The following HGF variants were observed in gnomAD, a reference collection of about 807,000 sequenced individuals.
The protein encoded by HGF is fibroblast-derived tumor cytotoxic factor.
HGF carries 39 observed loss-of-function variants against 111.6 expected under a neutral mutation model. That is an observed-to-expected ratio of 0.35 (90% confidence interval 0.27 to 0.46). HGF has a LOEUF of 0.46. HGF is among the 20% of genes least tolerant of loss of function. The pLI is 1.00. For synonymous variants in HGF, 285 were observed against 294.8 expected, an observed-to-expected ratio of 0.97 and a Z score of 0.34; for missense variants, 735 against 910.5, an observed-to-expected ratio of 0.81 and a Z score of 2.48.
At chr7:81,752,499 T>C (rs1440230235) in intron 4 of HGF, among the ~76,000 whole-genome samples, 1 of 152,102 alleles carries the variant, frequency 6.6e-6, no homozygotes, top group Non-Finnish European at 1.5e-5. Context: ...AAGATGAGCC[T>C]GTGAATTTGC....
intron 2 of HGF, among the ~76,000 whole-genome samples, chr7:81,760,986 A>G (rs1789046042): frequency 6.6e-6 from 1 of 152,166 alleles, no homozygotes; most frequent in Admixed American, 6.5e-5. Context: ...CGGTTGACTA[A>G]TGTGAAAATT....
chr7:81,731,407 A>C (rs1451729570), intron 7 of HGF, among the ~76,000 whole-genome samples: 1 of 152,334 alleles, frequency 6.6e-6, no homozygotes, highest in East Asian at 1.9e-4. Context: ...TAAAGTGGTA[A>C]CTGAGAGCTG....
chr7:81,724,392 T>G (rs1789952386), intron 9 of HGF, among the ~76,000 whole-genome samples: 1 of 152,056 alleles, frequency 6.6e-6, no homozygotes, highest in Non-Finnish European at 1.5e-5. Flanking sequence ...GAGCTTTAAA[T>G]TTGGCTTGGG....
chr7:81,756,088 G>T (rs1788756465), intron 4 of HGF: 2 of 700,838 alleles, frequency 2.9e-6, no homozygotes, highest in Non-Finnish European at 5.2e-6. Context: ...CACAGCATGG[G>T]TTCTACTGAC....
At chr7:81,721,220 C>T (rs1044299877) in intron 9 of HGF, among the ~76,000 whole-genome samples, 1 of 151,934 alleles carries the variant, frequency 6.6e-6, no homozygotes, top group Non-Finnish European at 1.5e-5. Context: ...GCACTCCAGC[C>T]TGGGCGACAG....
intron 9 of HGF, among the ~76,000 whole-genome samples, chr7:81,724,621 T>A (rs1360527416): frequency 6.6e-6 from 1 of 152,220 alleles, no homozygotes; most frequent in Non-Finnish European, 1.5e-5. Context: ...GTAGGTTTGT[T>A]ATATGTAAAT....
chr7:81,761,323 T>C (rs994726524), intron 2 of HGF, among the ~76,000 whole-genome samples: 6 of 152,188 alleles, frequency 3.9e-5, no homozygotes, highest in African/African-American at 1.4e-4. Flanking sequence ...AATTGGCAGT[T>C]TCACTCTAGA....
In HGF at chr7:81,705,498, G is replaced by A. The variant is rs1789397783; in HGVS notation, c.1902C>T (p.Leu634=). 1.2e-6 allele frequency: 2 copies of A among 1,612,496 alleles called. No individual in the cohort carries two copies. Among genetic ancestry groups the A allele is most frequent in the Admixed American group, 1.7e-5 (1 of 59,772 alleles). The change falls in exon 17 of 18, where the codon CTC becomes CTT. Residue 634 remains leucine (L), a synonymous_variant. Transcript: ENST00000222390. ...TGCATTTCTCATTTCCCATTATATA[G>A]AGATGTGCCACTCGTAATAGGCCAT... ...NYDGLLRVAH[L]YIMGNEKCSQ... is the part of the protein sequence containing the mutation.
intron 13 of HGF, among the ~76,000 whole-genome samples, chr7:81,709,706 T>C (rs1407995498): frequency 6.6e-6 from 1 of 152,138 alleles, no homozygotes; most frequent in African/African-American, 2.4e-5. Context: ...TTCATTTGAT[T>C]GACAAGGAAA....
In HGF at chr7:81,710,133, C is replaced by T; in HGVS notation, c.1541+14G>A. ...TATTCTGGATATGCATGACTTGCAT[C>T]TATTAATAATTACCTGTATCTCAAA... On this transcript the variant is annotated intron_variant, in intron 13 of 17. Transcript: ENST00000222390. 6.7e-7 allele frequency: 1 copy of T among 1,483,568 alleles called. No homozygotes were observed. The highest frequency in any genetic ancestry group is 1.1e-5 in the South Asian group (1 of 88,454). 91.9% of individuals were successfully genotyped at this position (1,483,568 alleles called of 1,614,324 possible). A position where few individuals can be genotyped will look rare whatever the true frequency, so the allele number is the denominator to read the frequency against.
At chr7:81,731,843 C>T (rs1161614259) in intron 7 of HGF, among the ~76,000 whole-genome samples, 2 of 152,024 alleles carry the variant, frequency 1.3e-5, no homozygotes, top group Non-Finnish European at 2.9e-5. Flanking sequence ...ATTAGCTTAA[C>T]ATGCTAAAAG....
intron 8 of HGF, among the ~76,000 whole-genome samples, chr7:81,728,518 A>G (rs1790079625): frequency 1.3e-5 from 2 of 152,182 alleles, no homozygotes; most frequent in Admixed American, 1.3e-4. Context: ...CTACTTTGAT[A>G]TGTATTTCTC....
intron 5 of HGF, chr7:81,751,216 G>A: frequency 1.1e-6 from 1 of 943,248 alleles, no homozygotes; most frequent in Non-Finnish European, 1.3e-6. Flanking sequence ...AACTTGGACA[G>A]CATTCCAGTA....
At chr7:81,705,323 G>A in intron 17 of HGF, 67 bp downstream of exon 17, 1 of 1,508,494 alleles carries the variant, frequency 6.6e-7, no homozygotes, top group Non-Finnish European at 9.2e-7. Flanking sequence ...AAAATAAACA[G>A]AAAAAAATAA....
At chr7:81,718,706 G>A (rs189042210) in intron 10 of HGF, among the ~76,000 whole-genome samples, 13 of 152,136 alleles carry the variant, frequency 8.5e-5, no homozygotes, top group Non-Finnish European at 1.2e-4. Flanking sequence ...GTATGTGTAC[G>A]GTGAGGATGA....
chr7:81,712,525 C>T (rs1789599623), intron 11 of HGF, among the ~76,000 whole-genome samples: 1 of 152,144 alleles, frequency 6.6e-6, no homozygotes, highest in African/African-American at 2.4e-5. Context: ...CTAATTAAAA[C>T]CTGTAGCTTA....
chr7:81,751,443 C>T lies in HGF; in HGVS notation c.625+677G>A, dbSNP rs564774096. On this transcript the variant is annotated intron_variant, in intron 5 of 17. Transcript: ENST00000222390. The stretch of plus-strand genomic sequence containing the variant: ...CAGTTTTCCACTGCAAAAGTAAGGA[C>T]AATGCCCTTTTATGCTGTGAGAAGA... The T allele has an allele frequency of 5.1e-6, 5 of 985,138 alleles. No homozygotes were observed. In the South Asian group the frequency reaches 2.4e-4, roughly 46 times the overall value. The allele number at this position is 985,138 out of a possible 1,614,324, so 61.0% of individuals were successfully genotyped here.
rs998146262 is a variant in HGF at position 81,734,326 on chromosome 7, G to C, written c.866-4547C>G. Among the ~76,000 whole-genome samples, 8 of 152,134 alleles carry C rather than the reference G, an allele frequency of 5.3e-5. No individual in the cohort carries two copies. The South Asian group carries it at 6.2e-4, about 12-fold the overall frequency. The stretch of plus-strand genomic sequence containing the variant: ...TAATCATCAGTGGTCTATGAGTAAA[G>C]GAATGCTTTCTTTTGATGATTGACA... On this transcript the variant is annotated intron_variant, in intron 7 of 17. Transcript: ENST00000222390.
At chr7:81,737,449 T>G (rs1787868640) in intron 7 of HGF, among the ~76,000 whole-genome samples, 2 of 152,200 alleles carry the variant, frequency 1.3e-5, no homozygotes, top group African/African-American at 4.8e-5. Context: ...TAGAGCGTCC[T>G]GGGACACCTG....
Sources: gnomAD v4.1 joint callset for allele counts (sites outside exome capture counted in the v4.1 genomes callset) on GRCh38, gnomAD v4.1.1 for gene constraint, MANE v1.5 for transcripts, NCBI Gene and HGNC (gene_info 2026-07-23, HGNC 2026-07-21) for gene names.